The following TBC1D25 variants were observed in gnomAD, a reference collection of about 807,000 sequenced individuals.
The protein encoded by TBC1D25 is 5SN3 snoRNA.
In TBC1D25, 13 loss-of-function variants were observed where a neutral mutation model predicts 38.8. The observed-to-expected ratio is 0.34, with a 90% CI of 0.22 to 0.53. TBC1D25 has a LOEUF of 0.53. Among genes scored for constraint, TBC1D25 ranks in the 20% least tolerant of loss-of-function variants. TBC1D25 has a pLI of 0.94. For synonymous variants in TBC1D25, 225 were observed against 255.6 expected (o/e 0.88, Z 1.14); for missense variants, 372 against 600.0 (o/e 0.62, Z 3.97).
intron 2 of TBC1D25, among the ~76,000 whole-genome samples, chrX:48,544,605 G>A (rs1730791270): frequency 9.0e-6 from 1 of 111,519 alleles, no homozygotes; most frequent in South Asian, 3.7e-4. Context: ...ATAGGCGTGA[G>A]CCACTGCACC....
chrX:48,558,980 C>T lies in TBC1D25; in HGVS notation c.472C>T (p.Leu158=). 1 of 1,211,860 alleles carries T rather than the reference C, an allele frequency of 8.3e-7. No individual in the cohort carries two copies. Among genetic ancestry groups the T allele is most frequent in the Admixed American group, 2.2e-5 (1 of 45,992 alleles). Residue 158 remains leucine (L), a synonymous_variant, in exon 4 of 6, where the codon CTG becomes TTG. Transcript: ENST00000376771. ...DVLLAEKRSS[L]TTAALPFTQS... The stretch of plus-strand genomic sequence containing the variant: ...GTTGCTGGCTGAGAAACGGTCATCA[C>T]TGACGACTGCCGCCCTGCCCTTTAC...
intron 3 of TBC1D25, among the ~76,000 whole-genome samples, chrX:48,547,130 A>C (rs2061892802): frequency 1.8e-5 from 2 of 112,136 alleles, no homozygotes; most frequent in Non-Finnish European, 3.8e-5. Context: ...TCCCCATATT[A>C]TAGATGAGGA....
In TBC1D25 at chrX:48,560,288, CAG is replaced by C. The variant is rs2062012772; in HGVS notation, c.1381_1382del (p.Arg461GlyfsTer18). 1.7e-6 allele frequency: 2 copies of C among 1,211,693 alleles called. No homozygotes were observed. Among genetic ancestry groups the C allele is most frequent in the Non-Finnish European group, 2.2e-6 (2 of 895,472 alleles). On this transcript the variant is annotated frameshift_variant, in exon 6 of 6. Transcript: ENST00000376771. LOFTEE classifies it high-confidence loss of function. The stretch of plus-strand genomic sequence containing the variant: ...TGGCAGACGCTGGTTTTGGTGGCCA[CAG>C]GGGGTGGCCCGTGCGACAGAGGCAC... ...QVADAGFGGH[R>X]GWPVRQRHML...
intron 3 of TBC1D25, among the ~76,000 whole-genome samples, chrX:48,552,814 G>A (rs782418125): frequency 6.5e-4 from 69 of 106,893 alleles, no homozygotes; most frequent in African/African-American, 2.1e-3. Flanking sequence ...TTTTGAGATG[G>A]AGTCTTGCTC....
intron 3 of TBC1D25, among the ~76,000 whole-genome samples, chrX:48,548,400 G>A (rs1305116792): frequency 9.0e-6 from 1 of 111,363 alleles, no homozygotes; most frequent in Non-Finnish European, 1.9e-5. Flanking sequence ...ACAAGCAAGA[G>A]CCACCGCACC....
intron 3 of TBC1D25, 86 bp from the exon 4 acceptor site, chrX:48,558,811 C>A: frequency 8.7e-7 from 1 of 1,147,221 alleles, no homozygotes. Flanking sequence ...CTGCAGGTAG[C>A]CCGGCTTCAG....
chrX:48,559,232 AC>A lies in TBC1D25; in HGVS notation c.595del (p.Leu199Ter). 8.3e-7 allele frequency: 1 copy of A among 1,210,585 alleles called. No individual in the cohort carries two copies. Among genetic ancestry groups the A allele is most frequent in the Non-Finnish European group, 1.1e-6 (1 of 895,215 alleles). ...GGGAAGATGTCAAGCCCTTCAAGCC[AC>A]CCCTGAGCGATGCTGAGTTTCACAC... ...YGEDVKPFKP[P>X]LSDAEFHTYL... On this transcript the variant is annotated frameshift_variant, in exon 5 of 6. Coordinates refer to ENST00000376771, the MANE Select transcript of TBC1D25 (RefSeq NM_002536.4). LOFTEE classifies it high-confidence loss of function.
chrX:48,551,961 A>G (rs1183999194), intron 3 of TBC1D25, among the ~76,000 whole-genome samples: 1 of 110,605 alleles, frequency 9.0e-6, no homozygotes, highest in Non-Finnish European at 1.9e-5. Context: ...TGGTTTTTTT[A>G]ATCAGTATAA....
chrX:48,544,773 C>A, intron 2 of TBC1D25, 96 bp from the exon 3 acceptor site: 1 of 1,075,087 alleles, frequency 9.3e-7, no homozygotes, highest in Non-Finnish European at 1.2e-6. Flanking sequence ...AAGTTGTTTT[C>A]AACGCCTTCT....
At chrX:48,553,870 C>T (rs1036186687) in intron 3 of TBC1D25, among the ~76,000 whole-genome samples, 2 of 108,204 alleles carry the variant, frequency 1.8e-5, no homozygotes, top group Admixed American at 2.0e-4. Flanking sequence ...GCAATCCGCC[C>T]GCCTTGGCCT....
intron 1 of TBC1D25, 106 bp from the exon 2 acceptor site, chrX:48,541,227 T>C: frequency 1.5e-6 from 1 of 670,065 alleles, no homozygotes; most frequent in Non-Finnish European, 2.5e-6. Context: ...CCTGCCTTGA[T>C]CTGGCCCCTG....
At chrX:48,540,135 C>A (rs1434085624) in intron 1 of TBC1D25, among the ~76,000 whole-genome samples, 19 of 108,681 alleles carry the variant, frequency 1.7e-4, no homozygotes, top group Non-Finnish European at 1.7e-4. Context: ...AATAGAGGGA[C>A]GAGGCGGGGG....
Position 48,560,837 on chromosome X carries a change from G to A in TBC1D25, c.1929G>A (p.Leu643=). 8.2e-7 allele frequency: 1 copy of A among 1,212,466 alleles called. No individual in the cohort carries two copies. The highest frequency in any genetic ancestry group is 1.1e-6 in the Non-Finnish European group (1 of 895,692). ...GCAATGGGCTGGATTATAATGAGCT[G>A]GCCATGCACTTTGACCGCCTTGTGC... is the stretch of plus-strand genomic sequence containing the variant. ...IMRNGLDYNE[L]AMHFDRLVRK... The change falls in exon 6 of 6, where the codon CTG becomes CTA. Residue 643 remains leucine, a synonymous_variant. Coordinates refer to ENST00000376771, the MANE Select transcript of TBC1D25 (RefSeq NM_002536.4).
At chrX:48,543,910 TCTC>T (rs2061862667) in intron 2 of TBC1D25, among the ~76,000 whole-genome samples, 1 of 108,483 alleles carries the variant, frequency 9.2e-6, no homozygotes, top group South Asian at 4.0e-4. Context: ...GAATTTATGA[TCTC>T]ATCAGCAGCA....
chrX:48,551,516 C>T (rs1035226066), intron 3 of TBC1D25, among the ~76,000 whole-genome samples: 1 of 110,141 alleles, frequency 9.1e-6, no homozygotes, highest in African/African-American at 3.3e-5. Context: ...TTAGTAGAGA[C>T]GGGGTTTCAC....
chrX:48,546,317 C>T (rs1185055488), intron 3 of TBC1D25, among the ~76,000 whole-genome samples: 12 of 108,075 alleles, frequency 1.1e-4, no homozygotes, highest in Middle Eastern at 4.3e-3. Flanking sequence ...ATCGAGACCA[C>T]CCTGGCTAAC....
At chrX:48,541,293 TG>T (rs2061836488) in intron 1 of TBC1D25, 39 bp from the exon 2 acceptor site, 1 of 1,171,757 alleles carries the variant, frequency 8.5e-7, no homozygotes, top group African/African-American at 1.8e-5. Flanking sequence ...AGCATGGTGA[TG>T]GGGCCCCTGG....
At chrX:48,540,943 A>G (rs898921036) in intron 1 of TBC1D25, among the ~76,000 whole-genome samples, 3 of 112,167 alleles carry the variant, frequency 2.7e-5, no homozygotes, top group Admixed American at 1.9e-4. Context: ...TGGTACTACT[A>G]GAGTGTAAAG....
Position 48,561,102 on chromosome X carries a change from C to T in TBC1D25, c.*127C>T, listed in dbSNP as rs924261765. ...GACTTGTTGGAGCATAGAGCCCTTC[C>T]TCCCCAGGCCTAAGTATGTGGAGCT... On this transcript the variant is annotated 3_prime_UTR_variant, in exon 6 of 6. Coordinates refer to ENST00000376771, the MANE Select transcript of TBC1D25 (RefSeq NM_002536.4). 2.6e-6 allele frequency: 2 copies of T among 779,668 alleles called. No homozygotes were observed. The highest frequency in any genetic ancestry group is 3.9e-5 in the Admixed American group (1 of 25,573). The allele number at this position is 779,668 out of a possible 1,213,427, so 64.3% of individuals were successfully genotyped here.
Sources: gnomAD v4.1 joint callset for allele counts (sites outside exome capture counted in the v4.1 genomes callset) on GRCh38, gnomAD v4.1.1 for gene constraint, MANE v1.5 for transcripts, NCBI Gene and HGNC (gene_info 2026-07-23, HGNC 2026-07-21) for gene names.